Variants in MAML2 observed in about 807,000 individuals in gnomAD.
MAML2 encodes the protein mastermind like transcriptional coactivator 2, also known as mastermind-like protein 2.
MAML2 carries 22 observed loss-of-function variants against 96.1 expected under a neutral mutation model. The ratio of observed to expected loss-of-function variants is 0.23; its 90% CI spans 0.16 to 0.33. MAML2 has a LOEUF of 0.33. Among genes scored for constraint, MAML2 ranks in the 10% least tolerant of loss-of-function variants. MAML2 has a pLI of 1.00. For synonymous variants in MAML2, 561 were observed against 521.3 expected (o/e 1.08, Z -1.04); for missense variants, 1,367 against 1,392.4 (o/e 0.98, Z 0.29).
At chr11:96,091,752 G>C in intron 2 of MAML2, 140 bp downstream of exon 2, 1 of 1,263,830 alleles carries the variant, frequency 7.9e-7, no homozygotes, top group Non-Finnish European at 1.1e-6. Flanking sequence ...GGCTTTATGA[G>C]GTCTTCATAT....
intron 1 of MAML2, among the ~76,000 whole-genome samples, chr11:96,230,417 T>A (rs1182327973): frequency 1.3e-5 from 2 of 152,212 alleles, no homozygotes; most frequent in African/African-American, 4.8e-5. Flanking sequence ...TACATATTCT[T>A]TTTTCAATGA....
chr11:96,192,549 T>TA (rs1212806218), intron 1 of MAML2, among the ~76,000 whole-genome samples: 1 of 152,232 alleles, frequency 6.6e-6, no homozygotes, highest in Non-Finnish European at 1.5e-5. Flanking sequence ...TGATGAGGAA[T>TA]TTTGATATTT....
At chr11:96,265,716 T>A (rs1862815954) in intron 1 of MAML2, among the ~76,000 whole-genome samples, 1 of 152,162 alleles carries the variant, frequency 6.6e-6, no homozygotes, top group Non-Finnish European at 1.5e-5. Context: ...TGAGTGGAAC[T>A]CACCAGCAGG....
chr11:96,298,970 G>A (rs1458277165), intron 1 of MAML2, among the ~76,000 whole-genome samples: 2 of 144,446 alleles, frequency 1.4e-5, no homozygotes, highest in East Asian at 2.0e-4. Flanking sequence ...GCGTGAACCC[G>A]GGAGGTGGAG....
chr11:96,204,446 G>T lies in MAML2; in HGVS notation c.514-110929C>A, dbSNP rs546650. 5.6e-3 allele frequency among the ~76,000 whole-genome samples: 848 copies of T among 152,280 alleles called. 10 individuals are homozygous for T. The highest frequency in any genetic ancestry group is 0.019 in the African/African-American group (791 of 41,544). ...TGTAACAGAAATTTGCAAAAGTGTT[G>T]TGAAAACAAAGAGGGTTGAGAAAGA... On this transcript the variant is annotated intron_variant, in intron 1 of 4. Transcript: ENST00000524717.
chr11:96,113,609 A>G (rs1860173319), intron 1 of MAML2, among the ~76,000 whole-genome samples: 1 of 151,410 alleles, frequency 6.6e-6, no homozygotes, highest in African/African-American at 2.4e-5. Context: ...TGTTTGAAAA[A>G]AAAAAAAAAG....
intron 1 of MAML2, among the ~76,000 whole-genome samples, chr11:96,293,409 C>T (rs1231003255): frequency 6.6e-6 from 1 of 152,094 alleles, no homozygotes. Context: ...GAATAATTTT[C>T]CTCGGTCTTT....
At chr11:96,126,665 A>AT (rs1295768674) in intron 1 of MAML2, among the ~76,000 whole-genome samples, 9 of 152,228 alleles carry the variant, frequency 5.9e-5, no homozygotes, top group Admixed American at 3.9e-4. Context: ...CAGGCAGCAC[A>AT]TTGTGCTTGA....
chr11:96,201,081 A>G (rs1861814682), intron 1 of MAML2, among the ~76,000 whole-genome samples: 1 of 152,212 alleles, frequency 6.6e-6, no homozygotes, highest in Non-Finnish European at 1.5e-5. Flanking sequence ...TAGGCCACGA[A>G]ATCTGAAATA....
chr11:96,004,291 C>G (rs1046479597), intron 2 of MAML2, among the ~76,000 whole-genome samples: 1 of 151,988 alleles, frequency 6.6e-6, no homozygotes, highest in Non-Finnish European at 1.5e-5. Flanking sequence ...GTAAATGATA[C>G]CACAGTTCCA....
chr11:96,182,043 C>T (rs967234634), intron 1 of MAML2, among the ~76,000 whole-genome samples: 1 of 152,082 alleles, frequency 6.6e-6, no homozygotes, highest in African/African-American at 2.4e-5. Flanking sequence ...TTTCAAAAGA[C>T]GTGGTGGAAA....
chr11:96,270,205 T>G (rs140579706), intron 1 of MAML2, among the ~76,000 whole-genome samples: 1,349 of 108,592 alleles, frequency 0.012, 245 homozygotes, highest in African/African-American at 0.051. Context: ...TTGATTACTC[T>G]TTTTTTAAAC....
chr11:96,105,359 C>A (rs1169143572), intron 1 of MAML2, among the ~76,000 whole-genome samples: 4 of 152,200 alleles, frequency 2.6e-5, no homozygotes, highest in Non-Finnish European at 5.9e-5. Flanking sequence ...CCCCTCAATG[C>A]ACAAAAGCAT....
chr11:96,104,389 T>C (rs987747371), intron 1 of MAML2, among the ~76,000 whole-genome samples: 7 of 152,276 alleles, frequency 4.6e-5, no homozygotes, highest in African/African-American at 1.7e-4. Flanking sequence ...TTTGCTCATA[T>C]GTCTGTGCCA....
At chr11:96,022,583 C>A (rs1858452245) in intron 2 of MAML2, among the ~76,000 whole-genome samples, 1 of 144,632 alleles carries the variant, frequency 6.9e-6, no homozygotes, top group South Asian at 2.1e-4. Context: ...CCCTGTCTAT[C>A]TGTCCCCCGA....
At chr11:96,048,071 T>G (rs1450803721) in intron 2 of MAML2, among the ~76,000 whole-genome samples, 1 of 151,830 alleles carries the variant, frequency 6.6e-6, no homozygotes, top group Non-Finnish European at 1.5e-5. Flanking sequence ...AGCCAAGACG[T>G]TTTAGGGTTC....
At position 96,096,762 on chromosome 11, in the gene MAML2, G is replaced by T. The variant is rs573912688; in HGVS notation, c.514-3245C>A. 2.6e-5 allele frequency among the ~76,000 whole-genome samples: 4 copies of T among 152,298 alleles called. No individual in the cohort carries two copies. In the East Asian group the frequency reaches 5.8e-4, roughly 22 times the overall value. On this transcript the variant is annotated intron_variant, in intron 1 of 4. Coordinates refer to ENST00000524717, the MANE Select transcript of MAML2 (RefSeq NM_032427.4). ...GGATTATCTCTGAGATCATTATCCTGCCCAAAGCCAGAAAATAACAAGCAC... is the reference window on the plus strand; with the variant it reads ...GGATTATCTCTGAGATCATTATCCTTCCCAAAGCCAGAAAATAACAAGCAC...
chr11:96,315,376 A>T (rs774802566), intron 1 of MAML2, among the ~76,000 whole-genome samples: 7 of 152,178 alleles, frequency 4.6e-5, no homozygotes, highest in Non-Finnish European at 2.9e-5. Context: ...ATTGTATCTA[A>T]TTTATTTCAT....
chr11:96,027,211 T>TTC (rs1565193164), intron 2 of MAML2, among the ~76,000 whole-genome samples: 9 of 151,698 alleles, frequency 5.9e-5, no homozygotes, highest in African/African-American at 2.2e-4. Context: ...TGCATTCATT[T>TTC]ATTCATTCAT....
Sources: gnomAD v4.1 joint callset for allele counts (sites outside exome capture counted in the v4.1 genomes callset) on GRCh38, gnomAD v4.1.1 for gene constraint, MANE v1.5 for transcripts, NCBI Gene and HGNC (gene_info 2026-07-23, HGNC 2026-07-21) for gene names.